Variants in CSMD3 observed in about 807,000 individuals in gnomAD.
The protein encoded by CSMD3 is CUB and Sushi multiple domains 3.
Under a neutral mutation model 435.2 loss-of-function variants are expected in CSMD3, and 177 were observed. That is an observed-to-expected ratio of 0.41 (90% CI 0.36 to 0.46). CSMD3 has a LOEUF of 0.46. CSMD3 is among the 20% of genes least tolerant of loss of function. The probability of loss-of-function intolerance (pLI) is 0.34; values close to 1 mark genes in which losing one functional copy is unlikely to be tolerated. For synonymous variants in CSMD3, 1,656 were observed against 1,520.5 expected, an observed-to-expected ratio of 1.09 and a Z score of -2.07; for missense variants, 4,265 against 4,504.6, an observed-to-expected ratio of 0.95 and a Z score of 1.52.
intron 6 of CSMD3, among the ~76,000 whole-genome samples, chr8:113,017,170 C>T (rs1306817366): frequency 6.6e-6 from 1 of 151,916 alleles, no homozygotes; most frequent in Non-Finnish European, 1.5e-5. Context: ...CCTCATAAAA[C>T]ACATCTTTTC....
chr8:112,663,470 A>G (rs1434864377), intron 17 of CSMD3, among the ~76,000 whole-genome samples: 1 of 113,766 alleles, frequency 8.8e-6, no homozygotes, highest in Non-Finnish European at 1.7e-5. Flanking sequence ...GGAACATCAC[A>G]CACCGGGGCC....
At chr8:113,152,285 A>G (rs953655844) in intron 4 of CSMD3, among the ~76,000 whole-genome samples, 16 of 152,076 alleles carry the variant, frequency 1.1e-4, no homozygotes, top group African/African-American at 3.9e-4. Context: ...AATACCACTT[A>G]TGTAACTTTT....
At chr8:112,594,077 G>A (rs529919973) in intron 22 of CSMD3, among the ~76,000 whole-genome samples, 7 of 152,250 alleles carry the variant, frequency 4.6e-5, no homozygotes, top group South Asian at 4.2e-4. Context: ...CGCAGAACAC[G>A]GGTGATTTCT....
At chr8:112,557,512 T>A (rs1828229037) in intron 24 of CSMD3, among the ~76,000 whole-genome samples, 2 of 152,108 alleles carry the variant, frequency 1.3e-5, no homozygotes, top group South Asian at 4.1e-4. Flanking sequence ...GGCCGGGTCA[T>A]ATACATACAT....
chr8:112,517,339 T>TA (rs1823782418), intron 27 of CSMD3, 114 bp from the exon 28 acceptor site: 1 of 687,674 alleles, frequency 1.5e-6, no homozygotes, highest in Non-Finnish European at 2.5e-6. Context: ...TTTTAAATGC[T>TA]ATACAATAAA....
intron 1 of CSMD3, among the ~76,000 whole-genome samples, chr8:113,429,997 A>G (rs2094661271): frequency 6.6e-6 from 1 of 152,230 alleles, no homozygotes; most frequent in African/African-American, 2.4e-5. Context: ...ATCAGAATGC[A>G]GGGGATGAAA....
chr8:112,909,036 TC>T (rs2082336681), intron 10 of CSMD3, among the ~76,000 whole-genome samples: 1 of 151,616 alleles, frequency 6.6e-6, no homozygotes, highest in African/African-American at 2.4e-5. Context: ...TCTTTTTTTT[TC>T]CCTCAGAATT....
At chr8:112,791,319 G>T in intron 13 of CSMD3, among the ~76,000 whole-genome samples, 1 of 103,180 alleles carries the variant, frequency 9.7e-6, no homozygotes, top group African/African-American at 3.9e-5. Context: ...CATATCCTGT[G>T]AAAAAAAAAA....
chr8:113,247,958 T>G (rs1257554725), intron 3 of CSMD3, among the ~76,000 whole-genome samples: 2 of 152,056 alleles, frequency 1.3e-5, no homozygotes, highest in Non-Finnish European at 2.9e-5. Flanking sequence ...TTTGCATGTA[T>G]TTGAAAATAG....
In CSMD3 at chr8:112,596,457, C is replaced by T. The variant is rs371477869; in HGVS notation, c.3716-9222G>A. On this transcript the variant is annotated intron_variant, in intron 22 of 70. Coordinates refer to ENST00000297405, the MANE Select transcript of CSMD3 (RefSeq NM_198123.2). ...CCACTGTCAACATTAGACAGATCAA[C>T]GAGACAGAAAGTTAACTAAGATACC... 1.5e-3 allele frequency among the ~76,000 whole-genome samples: 223 copies of T among 152,170 alleles called. 2 individuals carry two copies. The South Asian group carries it at 0.018, about 12-fold the overall frequency.
chr8:112,607,460 G>C (rs2131448760), intron 22 of CSMD3, among the ~76,000 whole-genome samples: 1 of 152,080 alleles, frequency 6.6e-6, no homozygotes, highest in South Asian at 2.1e-4. Context: ...CTGAAGAGGA[G>C]AGAGCACATC....
In CSMD3 at chr8:112,494,509, T is replaced by TTC. The variant is rs1258828632; in HGVS notation, c.5084-1828_5084-1827dup. Among the ~76,000 whole-genome samples, 44 of 84,716 alleles carry TTC rather than the reference T, an allele frequency of 5.2e-4. 1 individual carries two copies. Among genetic ancestry groups the TTC allele is most frequent in the African/African-American group, 1.8e-3 (44 of 24,764 alleles). 55.6% of individuals were successfully genotyped at this position (84,716 alleles called of 152,430 possible). On this transcript the variant is annotated intron_variant, in intron 30 of 70. Coordinates refer to ENST00000297405, the MANE Select transcript of CSMD3 (RefSeq NM_198123.2). ...TTCTTTCTCTCCTTTCTTTCTTTCT[T>TTC]TCTTTCTTTCTTTCTTTCTTTCTTT...
chr8:112,496,094 C>T (rs1245176382), intron 30 of CSMD3, among the ~76,000 whole-genome samples: 2 of 152,008 alleles, frequency 1.3e-5, no homozygotes, highest in Non-Finnish European at 1.5e-5. Flanking sequence ...CTCAGCCTCC[C>T]GAGTAGCTGG....
intron 32 of CSMD3, among the ~76,000 whole-genome samples, chr8:112,411,288 G>A (rs1333374333): frequency 6.6e-6 from 1 of 151,698 alleles, no homozygotes; most frequent in African/African-American, 2.4e-5. Context: ...AAACTGTAGG[G>A]CATGCTCTTT....
In CSMD3 at chr8:112,545,628, G is replaced by GT. The variant is rs141246510; in HGVS notation, c.4564+5042dup. Among the ~76,000 whole-genome samples, 653 of 151,916 alleles carry GT rather than the reference G, an allele frequency of 4.3e-3. 3 individuals are homozygous for GT. Among genetic ancestry groups the GT allele is most frequent in the African/African-American group, 0.015 (612 of 41,420 alleles). On this transcript the variant is annotated intron_variant, in intron 27 of 70. Transcript: ENST00000297405. ...GTGTCCTATGTTCTATCCTTGAAAG[G>GT]TAAGTGTTAATCACCTGGCATCTGG... is the stretch of plus-strand genomic sequence containing the variant.
At chr8:112,441,797 AG>A (rs1479212071) in intron 32 of CSMD3, among the ~76,000 whole-genome samples, 2 of 152,130 alleles carry the variant, frequency 1.3e-5, no homozygotes, top group South Asian at 2.1e-4. Context: ...GAGAACAGCC[AG>A]GGGGACCCCC....
chr8:112,585,588 C>T (rs183625904), intron 23 of CSMD3, among the ~76,000 whole-genome samples: 58 of 151,138 alleles, frequency 3.8e-4, no homozygotes, highest in African/African-American at 1.3e-3. Flanking sequence ...ATTTGTTATC[C>T]CAAATAAATT....
intron 1 of CSMD3, among the ~76,000 whole-genome samples, chr8:113,400,074 C>T (rs2094503245): frequency 6.6e-6 from 1 of 151,732 alleles, no homozygotes; most frequent in Non-Finnish European, 1.5e-5. Flanking sequence ...AGCAATATCC[C>T]TATTTAGATT....
chr8:112,822,562 T>C (rs918997244), intron 12 of CSMD3, among the ~76,000 whole-genome samples: 1 of 152,104 alleles, frequency 6.6e-6, no homozygotes, highest in Non-Finnish European at 1.5e-5. Flanking sequence ...GCTGAGACAA[T>C]GGGGTTTTCT....
Sources: allele counts gnomAD v4.1 joint callset (sites outside exome capture counted in the v4.1 genomes callset), GRCh38; gene constraint gnomAD v4.1.1; transcripts MANE v1.5; gene names NCBI Gene and HGNC (gene_info 2026-07-23, HGNC 2026-07-21).